Variants in ZNF644 observed in about 807,000 individuals in gnomAD.
ZNF644 encodes the protein zinc finger motif enhancer binding protein 2.
A neutral mutation model predicts 108.0 loss-of-function variants in ZNF644; 20 were observed. The ratio of observed to expected loss-of-function variants is 0.19; its 90% CI spans 0.13 to 0.27. ZNF644 has a LOEUF of 0.27. Ranked by LOEUF, ZNF644 falls within the 10% of genes least tolerant of loss-of-function variation. The pLI is 1.00. For synonymous variants in ZNF644, 542 were observed against 539.1 expected, an observed-to-expected ratio of 1.01 and a Z score of -0.08; for missense variants, 1,338 against 1,548.9, an observed-to-expected ratio of 0.86 and a Z score of 2.29.
Position 90,937,487 on chromosome 1 carries a change from G to A in ZNF644, c.3686C>T (p.Ser1229Leu). The change falls in exon 4 of 6, where the codon TCA becomes TTA. Residue 1229 changes from serine to leucine, a missense_variant and splice_region_variant. Transcript: ENST00000337393. ...CATAGTCATAAACGTCCTCTTACCT[G>A]AGTGCATAGTCAAGTCCATTTTTTG... Reference protein sequence around the residue: ...QPQKMDLTMHSALDCKQKKSR... With the variant: ...QPQKMDLTMHLALDCKQKKSR... 6.2e-7 allele frequency: 1 copy of A among 1,613,672 alleles called. No homozygotes were observed. Among genetic ancestry groups the A allele is most frequent in the Non-Finnish European group, 8.5e-7 (1 of 1,179,670 alleles).
chr1:91,006,839 C>T (rs1330467946), intron 1 of ZNF644, among the ~76,000 whole-genome samples: 1 of 152,074 alleles, frequency 6.6e-6, no homozygotes, highest in East Asian at 1.9e-4. Context: ...GAGCCTGTGC[C>T]TTCTAGTAAG....
intron 1 of ZNF644, among the ~76,000 whole-genome samples, chr1:91,011,255 C>G (rs1659935673): frequency 6.6e-6 from 1 of 152,060 alleles, no homozygotes; most frequent in East Asian, 1.9e-4. Context: ...ATTAAATGAA[C>G]TTATTACAAA....
intron 1 of ZNF644, among the ~76,000 whole-genome samples, chr1:91,010,042 C>T (rs17131252): frequency 0.013 from 1,924 of 152,228 alleles, 38 homozygotes; most frequent in African/African-American, 0.044. Flanking sequence ...CACGCTGTAT[C>T]TGGCTGCTAA....
At chr1:91,021,095 A>G (rs1035613315) in intron 1 of ZNF644, 1 of 152,220 alleles carries the variant, frequency 6.6e-6, no homozygotes, top group African/African-American at 2.4e-5. Context: ...CCAATCACTG[A>G]GAAGAGTCTG....
chr1:90,973,257 G>A (rs1655678852), intron 2 of ZNF644: 1 of 151,984 alleles, frequency 6.6e-6, no homozygotes, highest in Admixed American at 6.6e-5. Flanking sequence ...TACATAAATG[G>A]GTGAGAGTAT....
rs371268359 is a variant in ZNF644 at position 90,975,916 on chromosome 1, T to G, written c.44+6394A>C. 1.4e-4 allele frequency among the ~76,000 whole-genome samples: 21 copies of G among 152,322 alleles called. 1 individual carries two copies. In the South Asian group the frequency reaches 3.9e-3, roughly 29 times the overall value. On this transcript the variant is annotated intron_variant, in intron 2 of 5. Transcript: ENST00000337393. ...AGAATAATCAAAATAATGATGAGTA[T>G]GAAGGCTTTCACAGTATCATTTATT...
chr1:90,987,493 T>A (rs1303837593), intron 1 of ZNF644, among the ~76,000 whole-genome samples: 1 of 151,810 alleles, frequency 6.6e-6, no homozygotes, highest in Non-Finnish European at 1.5e-5. Flanking sequence ...AAATAAAAAC[T>A]CTGAATGGCC....
chr1:90,971,008 A>AC (rs11386582), intron 2 of ZNF644, among the ~76,000 whole-genome samples: 1 of 151,534 alleles, frequency 6.6e-6, no homozygotes, highest in South Asian at 2.1e-4. Flanking sequence ...CAAAAAAAAA[A>AC]AAAAAAAAAA....
intron 1 of ZNF644, among the ~76,000 whole-genome samples, chr1:90,984,435 CTT>C (rs111725394): frequency 3.5e-5 from 5 of 144,680 alleles, no homozygotes; most frequent in East Asian, 2.0e-4. Flanking sequence ...TGACTGGTGT[CTT>C]TTTTTTTTTT....
At chr1:90,971,411 A>ATTTC (rs1055037606) in intron 2 of ZNF644, among the ~76,000 whole-genome samples, 4 of 151,866 alleles carry the variant, frequency 2.6e-5, no homozygotes, top group South Asian at 4.2e-4. Context: ...ATATTCAAAC[A>ATTTC]TTTCTTTCTT....
At chr1:90,957,854 A>G (rs1354434488) in intron 2 of ZNF644, among the ~76,000 whole-genome samples, 1 of 152,220 alleles carries the variant, frequency 6.6e-6, no homozygotes, top group Non-Finnish European at 1.5e-5. Flanking sequence ...TGAATGACAT[A>G]ATTCTATTCA....
chr1:90,975,025 TC>T (rs1043183391), intron 2 of ZNF644, among the ~76,000 whole-genome samples: 1 of 152,142 alleles, frequency 6.6e-6, no homozygotes, highest in African/African-American at 2.4e-5. Flanking sequence ...TAACAGTCCT[TC>T]CCCACATTTT....
At chr1:90,989,623 C>T (rs1184967626) in intron 1 of ZNF644, among the ~76,000 whole-genome samples, 1 of 152,168 alleles carries the variant, frequency 6.6e-6, no homozygotes, top group Non-Finnish European at 1.5e-5. Flanking sequence ...AAGATATCAC[C>T]TTACATCCAC....
chr1:91,001,262 T>C (rs1306530602), intron 1 of ZNF644, among the ~76,000 whole-genome samples: 1 of 152,160 alleles, frequency 6.6e-6, no homozygotes, highest in Non-Finnish European at 1.5e-5. Flanking sequence ...ATATCCCTGA[T>C]GAACATCGAT....
At chr1:90,959,765 G>A (rs1251049754) in intron 2 of ZNF644, among the ~76,000 whole-genome samples, 1 of 152,154 alleles carries the variant, frequency 6.6e-6, no homozygotes, top group Non-Finnish European at 1.5e-5. Context: ...TTTATGGGGT[G>A]ATGAAACACT....
chr1:90,995,561 T>C (rs1658071052), intron 1 of ZNF644, among the ~76,000 whole-genome samples: 1 of 151,844 alleles, frequency 6.6e-6, no homozygotes, highest in South Asian at 2.1e-4. Flanking sequence ...AAGCAGAATA[T>C]ACACAAAGAG....
chr1:91,000,347 C>T (rs1274819262), intron 1 of ZNF644, among the ~76,000 whole-genome samples: 1 of 152,092 alleles, frequency 6.6e-6, no homozygotes, highest in Non-Finnish European at 1.5e-5. Flanking sequence ...TCTCTCAGAC[C>T]ACAGTGTAAT....
intron 4 of ZNF644, among the ~76,000 whole-genome samples, chr1:90,926,948 G>A (rs548209474): frequency 6.6e-5 from 10 of 152,032 alleles, no homozygotes; most frequent in East Asian, 3.9e-4. Context: ...TTAGACTAGC[G>A]TTCTATGTCA....
At position 90,940,729 on chromosome 1, in the gene ZNF644, C is replaced by T. The variant is rs1252008985; in HGVS notation, c.625G>A (p.Gly209Arg). Residue 209 changes from glycine to arginine, a missense_variant, in exon 3 of 6, where the codon GGG (glycine) becomes AGG (arginine). By Grantham distance (125) the Gly-to-Arg change is moderately radical. Transcript: ENST00000337393. ...SVGCDIQNSVGSNIKSDGTLI... is the reference protein window; with the variant it reads ...SVGCDIQNSVRSNIKSDGTLI... The stretch of plus-strand genomic sequence containing the variant: ...GTGCCATCTGACTTTATATTACTCC[C>T]TACTGAATTCTGAATGTCACAACCA... 3 of 1,613,950 alleles carry T rather than the reference C, an allele frequency of 1.9e-6. No homozygotes were observed. Among genetic ancestry groups the T allele is most frequent in the African/African-American group, 1.3e-5 (1 of 74,924 alleles).
Sources: gnomAD v4.1 joint callset for allele counts (sites outside exome capture counted in the v4.1 genomes callset) on GRCh38, gnomAD v4.1.1 for gene constraint, MANE v1.5 for transcripts, NCBI Gene and HGNC (gene_info 2026-07-23, HGNC 2026-07-21) for gene names.